Variants in DNAH11 observed in about 807,000 individuals in gnomAD.
The protein encoded by DNAH11 is axonemal beta dynein heavy chain 11.
DNAH11 carries 442 observed loss-of-function variants against 526.0 expected under a neutral mutation model. That is an observed-to-expected ratio of 0.84 (90% confidence interval 0.78 to 0.91). DNAH11 has a LOEUF of 0.91. DNAH11 is among the 40% of genes least tolerant of loss of function. The pLI is 0.00. For missense variants in DNAH11, 6,989 were observed against 5,448.7 expected (o/e 1.28, Z -8.90); for synonymous variants, 2,461 against 1,935.9 (o/e 1.27, Z -7.12).
At chr7:21,556,527 CA>C (rs1447971286) in intron 2 of DNAH11, among the ~76,000 whole-genome samples, 14 of 152,202 alleles carry the variant, frequency 9.2e-5, no homozygotes, top group African/African-American at 3.4e-4. Context: ...TTTTTCTTTC[CA>C]ATTTTTATCT....
intron 57 of DNAH11, 29 bp from the exon 58 acceptor site, chr7:21,784,398 G>T: frequency 6.6e-7 from 1 of 1,517,954 alleles, no homozygotes; most frequent in East Asian, 2.3e-5. Flanking sequence ...TAATTTATAC[G>T]GGTTTGTGTG....
intron 74 of DNAH11, among the ~76,000 whole-genome samples, chr7:21,874,384 G>A (rs1783622454): frequency 6.6e-6 from 1 of 151,880 alleles, no homozygotes; most frequent in South Asian, 2.1e-4. Flanking sequence ...CGCCCAGGCT[G>A]GAGTGCAATG....
intron 65 of DNAH11, among the ~76,000 whole-genome samples, chr7:21,831,489 T>G (rs1308247304): frequency 6.6e-6 from 1 of 152,218 alleles, no homozygotes; most frequent in African/African-American, 2.4e-5. Context: ...GAGTATAATT[T>G]ACTATCCCTG....
At chr7:21,878,711 T>G (rs1449961104) in intron 74 of DNAH11, among the ~76,000 whole-genome samples, 1 of 152,184 alleles carries the variant, frequency 6.6e-6, no homozygotes, top group Non-Finnish European at 1.5e-5. Flanking sequence ...AGCCCTGGAT[T>G]CTGCTAAAAG....
At chr7:21,627,350 G>C (rs1014395177) in intron 25 of DNAH11, among the ~76,000 whole-genome samples, 1 of 152,128 alleles carries the variant, frequency 6.6e-6, no homozygotes, top group Non-Finnish European at 1.5e-5. Flanking sequence ...CAAAATCTTT[G>C]CCCACACTAA....
intron 67 of DNAH11, among the ~76,000 whole-genome samples, chr7:21,853,595 A>G (rs1782722444): frequency 6.6e-6 from 1 of 152,196 alleles, no homozygotes; most frequent in Non-Finnish European, 1.5e-5. Context: ...AAATATTATG[A>G]GTCAACTCTA....
intron 79 of DNAH11, among the ~76,000 whole-genome samples, chr7:21,896,695 T>C (rs1163271794): frequency 1.3e-5 from 2 of 152,352 alleles, no homozygotes; most frequent in East Asian, 1.9e-4. Context: ...TTCGGCTGTA[T>C]ACTTGTAGAC....
At chr7:21,579,648 T>C (rs1228157694) in intron 8 of DNAH11, among the ~76,000 whole-genome samples, 12 of 152,176 alleles carry the variant, frequency 7.9e-5, no homozygotes, top group Admixed American at 7.9e-4. Context: ...GTAAGTGGCA[T>C]CCAGACCACA....
intron 65 of DNAH11, among the ~76,000 whole-genome samples, chr7:21,836,004 A>G (rs1781982558): frequency 6.6e-6 from 1 of 152,068 alleles, no homozygotes; most frequent in African/African-American, 2.4e-5. Context: ...CCATTTACAA[A>G]AGCTACCAAA....
At chr7:21,819,757 T>G (rs1453816556) in intron 65 of DNAH11, among the ~76,000 whole-genome samples, 8 of 152,214 alleles carry the variant, frequency 5.3e-5, no homozygotes, top group Non-Finnish European at 8.8e-5. Context: ...TGGACGTAGT[T>G]AACTATCAGT....
chr7:21,601,213 T>C, intron 17 of DNAH11, 34 bp downstream of exon 17: 1 of 1,566,112 alleles, frequency 6.4e-7, no homozygotes. Context: ...GAATTATAAC[T>C]TTCTAAACTG....
chr7:21,781,520 C>T (rs1189651552), intron 57 of DNAH11, among the ~76,000 whole-genome samples: 1 of 152,190 alleles, frequency 6.6e-6, no homozygotes, highest in Admixed American at 6.5e-5. Flanking sequence ...AAACTGTGTT[C>T]TCCCTTGAGT....
chr7:21,548,795 G>C (rs775902291), intron 2 of DNAH11, among the ~76,000 whole-genome samples: 7 of 152,194 alleles, frequency 4.6e-5, no homozygotes, highest in Non-Finnish European at 1.5e-5. Context: ...TGCCTAGAGA[G>C]GCAAGAGGAG....
chr7:21,889,332 T>C (rs958989417), intron 76 of DNAH11, among the ~76,000 whole-genome samples: 1 of 152,254 alleles, frequency 6.6e-6, no homozygotes, highest in Non-Finnish European at 1.5e-5. Context: ...TTCTTGGCTA[T>C]TATGAATAAT....
chr7:21,816,931 A>G (rs1391797777), intron 64 of DNAH11, among the ~76,000 whole-genome samples: 1 of 152,206 alleles, frequency 6.6e-6, no homozygotes, highest in Non-Finnish European at 1.5e-5. Flanking sequence ...GAAGGTTAGA[A>G]CAAACATTGG....
At position 21,639,051 on chromosome 7, in the gene DNAH11, G is replaced by C; in HGVS notation, c.4930G>C (p.Ala1644Pro). 4 of 1,612,842 alleles carry C rather than the reference G, an allele frequency of 2.5e-6. No individual in the cohort carries two copies. Among genetic ancestry groups the C allele is most frequent in the Non-Finnish European group, 3.4e-6 (4 of 1,179,414 alleles). Residue 1644 changes from alanine (A) to proline (P), a missense_variant, in exon 28 of 82, where the codon GCT (alanine) becomes CCT (proline). Transcript: ENST00000409508. ...TTTACTTGACATTCTCTCAAAAGGA[G>C]CTCAGCCTAAACAGGTAATATTTTT... is the stretch of plus-strand genomic sequence containing the variant. Reference protein sequence around the residue: ...ADLLDILSKGAQPKQVTCHLA... With the variant: ...ADLLDILSKGPQPKQVTCHLA...
rs192606286 is a variant in DNAH11 at position 21,881,698 on chromosome 7, G to A, written c.12387+805G>A. 3.9e-5 allele frequency among the ~76,000 whole-genome samples: 6 copies of A among 152,186 alleles called. No homozygotes were observed. In the East Asian group the frequency reaches 5.8e-4, roughly 15 times the overall value. On this transcript the variant is annotated intron_variant, in intron 75 of 81. Transcript: ENST00000409508. ...CTATAAAGCGTTTTTAAAATCACCC[G>A]TCTCTGTTTCTAAATGGAAACTATT...
chr7:21,851,259 G>C (rs544296065), intron 66 of DNAH11: 1 of 237,842 alleles, frequency 4.2e-6, no homozygotes, highest in Admixed American at 4.8e-5. Context: ...CCCTTTGCTG[G>C]GCACTTCTCT....
chr7:21,864,495 G>A (rs1176762109), intron 69 of DNAH11, 40 bp from the exon 70 acceptor site: 4 of 1,594,230 alleles, frequency 2.5e-6, no homozygotes, highest in Non-Finnish European at 3.4e-6. Context: ...CGATTTTCAT[G>A]TAAACCTAAT....
Sources: allele counts gnomAD v4.1 joint callset (sites outside exome capture counted in the v4.1 genomes callset), GRCh38; gene constraint gnomAD v4.1.1; transcripts MANE v1.5; gene names NCBI Gene and HGNC (gene_info 2026-07-23, HGNC 2026-07-21).